Variants in SCLT1 observed in about 807,000 individuals in gnomAD.
The protein encoded by SCLT1 is sodium channel-associated protein 1.
A neutral mutation model predicts 112.8 loss-of-function variants in SCLT1; 78 were observed. The ratio of observed to expected loss-of-function variants is 0.69; its 90% CI spans 0.58 to 0.83. The LOEUF is 0.83. Among genes scored for constraint, SCLT1 ranks in the 40% least tolerant of loss-of-function variants. The pLI is 0.00. For synonymous variants in SCLT1, 257 were observed against 254.7 expected, an observed-to-expected ratio of 1.01 and a Z score of -0.09; for missense variants, 747 against 770.4, an observed-to-expected ratio of 0.97 and a Z score of 0.36.
chr4:129,076,131 AATT>A (rs1360932909), intron 2 of SCLT1, among the ~76,000 whole-genome samples: 1 of 152,120 alleles, frequency 6.6e-6, no homozygotes, highest in Non-Finnish European at 1.5e-5. Context: ...CTGTAATTTT[AATT>A]ATTTCATTCA....
rs1732517382 is a variant in SCLT1, at chr4:128,876,248, T to C, written n.355+259A>G. 2.0e-5 allele frequency among the ~76,000 whole-genome samples: 3 copies of C among 152,216 alleles called. No individual in the cohort carries two copies. The South Asian group carries it at 6.2e-4, about 32-fold the overall frequency. On this transcript the variant is annotated intron_variant and non_coding_transcript_variant, in intron 4 of 7. Transcript: ENST00000503565. ...AGAAAAAACAATTATTCGTACATTT[T>C]GCTAAAAGCTTCTCATTTCTCCTTA...
At chr4:128,908,483 G>T (rs1734859333) in intron 18 of SCLT1, among the ~76,000 whole-genome samples, 1 of 151,988 alleles carries the variant, frequency 6.6e-6, no homozygotes, top group Admixed American at 6.6e-5. Flanking sequence ...AATGCCTTAG[G>T]TGCAAATGCT....
chr4:128,926,743 T>A (rs1345378336), intron 18 of SCLT1, among the ~76,000 whole-genome samples: 1 of 152,054 alleles, frequency 6.6e-6, no homozygotes, highest in East Asian at 1.9e-4. Context: ...TGTTCATATA[T>A]AGTTTGTAAC....
intron 2 of SCLT1, among the ~76,000 whole-genome samples, chr4:129,068,239 T>C (rs1282067976): frequency 1.3e-5 from 2 of 152,192 alleles, no homozygotes; most frequent in Non-Finnish European, 2.9e-5. Context: ...TATATATCAG[T>C]AGTAGGATTG....
chr4:128,984,431 T>G (rs1280869860), intron 9 of SCLT1, among the ~76,000 whole-genome samples: 1 of 152,196 alleles, frequency 6.6e-6, no homozygotes, highest in Admixed American at 6.5e-5. Context: ...TTCTAAGCCT[T>G]TGGTTCACTT....
At chr4:128,922,164 T>G (rs970692259) in intron 18 of SCLT1, among the ~76,000 whole-genome samples, 1 of 152,288 alleles carries the variant, frequency 6.6e-6, no homozygotes, top group African/African-American at 2.4e-5. Context: ...CTGGCAAGGT[T>G]GTGGAGAAAA....
chr4:128,925,558 A>G (rs1479134934), intron 18 of SCLT1, among the ~76,000 whole-genome samples: 2 of 152,080 alleles, frequency 1.3e-5, no homozygotes, highest in Admixed American at 6.5e-5. Flanking sequence ...TCCTGACCTC[A>G]AGTGATCCAC....
intron 1 of SCLT1, among the ~76,000 whole-genome samples, chr4:129,092,690 G>C (rs192703146): frequency 1.3e-5 from 2 of 152,280 alleles, no homozygotes; most frequent in East Asian, 3.9e-4. Flanking sequence ...CTTCCATAGT[G>C]TCTGGTACAT....
chr4:129,076,035 A>G (rs1019940058), intron 2 of SCLT1, among the ~76,000 whole-genome samples: 50 of 152,184 alleles, frequency 3.3e-4, no homozygotes, highest in Non-Finnish European at 6.3e-4. Context: ...TGACCTTTCT[A>G]TCAAAAATAG....
intron 9 of SCLT1, among the ~76,000 whole-genome samples, chr4:128,974,181 G>C (rs1740947551): frequency 6.6e-6 from 1 of 152,080 alleles, no homozygotes; most frequent in African/African-American, 2.4e-5. Context: ...CCTTTTATTA[G>C]ATTAAATTGT....
intron 18 of SCLT1, among the ~76,000 whole-genome samples, chr4:128,934,873 T>C (rs1002662769): frequency 9.2e-5 from 14 of 151,964 alleles, no homozygotes; most frequent in Non-Finnish European, 1.6e-4. Flanking sequence ...GTGAACTTCT[T>C]TGACATCTTG....
chr4:129,020,654 T>TTACA (rs1296452594), intron 5 of SCLT1, among the ~76,000 whole-genome samples: 1 of 152,214 alleles, frequency 6.6e-6, no homozygotes, highest in African/African-American at 2.4e-5. Context: ...GGAACACACC[T>TTACA]GTAGATACAT....
chr4:128,970,446 C>T lies in SCLT1; in HGVS notation c.709G>A (p.Val237Ile). 1 of 1,603,556 alleles carries T rather than the reference C, an allele frequency of 6.2e-7. No individual in the cohort carries two copies. Residue 237 changes from valine to isoleucine, a missense_variant, in exon 10 of 21, where the codon GTT becomes ATT. Transcript: ENST00000281142. ...KLRQAKLELR[V>I]AVAKVEELTN... Reference sequence around the variant, plus strand: ...AACTCTTCCACTTTTGCTACAGCAACTCTCAGCTCTAATTTGGCTTGCCTA... The same window carrying T: ...AACTCTTCCACTTTTGCTACAGCAATTCTCAGCTCTAATTTGGCTTGCCTA...
At chr4:129,040,918 T>G (rs1022505155) in intron 4 of SCLT1, among the ~76,000 whole-genome samples, 57 of 152,154 alleles carry the variant, frequency 3.7e-4, no homozygotes, top group African/African-American at 1.3e-3. Flanking sequence ...AGTTTATTTT[T>G]CTCTTGTAAT....
At chr4:129,036,877 C>CTTT (rs764301406) in intron 5 of SCLT1, 31 of 151,718 alleles carry the variant, frequency 2.0e-4, no homozygotes, top group Non-Finnish European at 5.9e-5. Context: ...GAATGTCAAA[C>CTTT]TTTAAAAGAG....
At chr4:128,998,978 TGCACCTAGCAATA>T (rs1353590514) in intron 7 of SCLT1, among the ~76,000 whole-genome samples, 1 of 151,876 alleles carries the variant, frequency 6.6e-6, no homozygotes, top group Non-Finnish European at 1.5e-5. Flanking sequence ...TAGTGCTCAA[TGCACCTAGCAATA>T]AAAGAACCAA....
chr4:129,064,389 T>A (rs1188584975), intron 2 of SCLT1, among the ~76,000 whole-genome samples: 1 of 152,156 alleles, frequency 6.6e-6, no homozygotes, highest in Non-Finnish European at 1.5e-5. Flanking sequence ...TATCAAAAAT[T>A]CTTTTTCTAG....
intron 8 of SCLT1, among the ~76,000 whole-genome samples, chr4:128,995,462 T>C (rs1262383716): frequency 2.0e-5 from 3 of 152,180 alleles, no homozygotes; most frequent in Non-Finnish European, 4.4e-5. Context: ...GAGATTTATC[T>C]TATTTCTTTG....
At chr4:129,014,239 G>GATGGGTTTC (rs1197440683) in intron 5 of SCLT1, among the ~76,000 whole-genome samples, 2 of 152,020 alleles carry the variant, frequency 1.3e-5, no homozygotes, top group Admixed American at 1.3e-4. Context: ...AGCTTCCTTG[G>GATGGGTTTC]ATGGGTTTCA....
Sources: gnomAD v4.1 joint callset for allele counts (sites outside exome capture counted in the v4.1 genomes callset) on GRCh38, gnomAD v4.1.1 for gene constraint, MANE v1.5 for transcripts, NCBI Gene and HGNC (gene_info 2026-07-23, HGNC 2026-07-21) for gene names.